The following ESRRG variants were observed in gnomAD, a reference collection of about 807,000 sequenced individuals.
The protein encoded by ESRRG is estrogen-related receptor gamma.
Under a neutral mutation model 44.0 loss-of-function variants are expected in ESRRG, and 13 were observed. The observed-to-expected ratio is 0.30, with a 90% CI of 0.19 to 0.47. ESRRG has a LOEUF of 0.47. ESRRG is among the 20% of genes least tolerant of loss of function. The pLI, the probability that ESRRG is intolerant of heterozygous loss-of-function variation, is 1.00. For missense variants in ESRRG, 395 were observed against 580.6 expected, an observed-to-expected ratio of 0.68 and a Z score of 3.29; for synonymous variants, 215 against 214.6, an observed-to-expected ratio of 1.00 and a Z score of -0.02.
intron 1 of ESRRG, among the ~76,000 whole-genome samples, chr1:217,115,391 T>C (rs1268554929): frequency 1.3e-5 from 2 of 152,102 alleles, no homozygotes; most frequent in African/African-American, 4.8e-5. Flanking sequence ...AGCCTGGCTT[T>C]AGCATGATAG....
At chr1:216,932,228 A>C in intron 2 of ESRRG, among the ~76,000 whole-genome samples, 1 of 152,264 alleles carries the variant, frequency 6.6e-6, no homozygotes, top group African/African-American at 2.4e-5. Context: ...AGGTAAAAAT[A>C]AAATAAGGAA....
At chr1:216,586,382 A>G (rs2063793506) in intron 3 of ESRRG, among the ~76,000 whole-genome samples, 1 of 152,204 alleles carries the variant, frequency 6.6e-6, no homozygotes, top group African/African-American at 2.4e-5. Flanking sequence ...AATAATAGTT[A>G]ATGTTTTCTG....
intron 2 of ESRRG, among the ~76,000 whole-genome samples, chr1:216,748,823 C>G (rs188184070): frequency 2.3e-4 from 35 of 152,220 alleles, no homozygotes; most frequent in Admixed American, 6.5e-4. Context: ...TTGTCTCCAT[C>G]TAGAAATAAT....
chr1:216,823,340 C>T (rs1170611607), intron 2 of ESRRG, among the ~76,000 whole-genome samples: 2 of 152,016 alleles, frequency 1.3e-5, no homozygotes, highest in Admixed American at 6.6e-5. Flanking sequence ...GAGAAAGAGG[C>T]CACAGTACTG....
At chr1:216,941,762 G>T (rs558163774) in intron 1 of ESRRG, among the ~76,000 whole-genome samples, 2 of 152,168 alleles carry the variant, frequency 1.3e-5, no homozygotes, top group South Asian at 4.2e-4. Context: ...AAGAATGGGG[G>T]GAAAAAGATT....
intron 2 of ESRRG, among the ~76,000 whole-genome samples, chr1:216,822,087 C>A (rs1248335582): frequency 2.0e-5 from 3 of 152,026 alleles, no homozygotes; most frequent in Non-Finnish European, 4.4e-5. Context: ...CAGATTGGGA[C>A]CTTCTACATT....
In ESRRG at chr1:216,504,038, A is replaced by G. The variant is rs997166325; in HGVS notation, c.*2901T>C. On this transcript the variant is annotated 3_prime_UTR_variant, in exon 7 of 7. Coordinates refer to ENST00000408911, the MANE Select transcript of ESRRG (RefSeq NM_001438.4). ...TTTAGTTTTATTTCCTATTTGTGAG[A>G]TACTTACTCTTTTGTAATGCTGAGA... is the stretch of plus-strand genomic sequence containing the variant. The G allele has an allele frequency of 6.6e-6, 1 of 152,512 alleles. No individual in the cohort carries two copies. The highest frequency in any genetic ancestry group is 2.1e-4 in the South Asian group (1 of 4,828). 9.4% of individuals were successfully genotyped at this position (152,512 alleles called of 1,614,324 possible).
At chr1:216,758,626 T>G (rs2152330160) in intron 2 of ESRRG, among the ~76,000 whole-genome samples, 1 of 152,150 alleles carries the variant, frequency 6.6e-6, no homozygotes, top group Admixed American at 6.6e-5. Flanking sequence ...TTACAAATAT[T>G]TTCCCAATAC....
At chr1:216,760,229 T>C (rs865815097) in intron 2 of ESRRG, among the ~76,000 whole-genome samples, 12 of 148,910 alleles carry the variant, frequency 8.1e-5, no homozygotes, top group African/African-American at 3.0e-4. Context: ...AGGGTGTGTA[T>C]CTTAGAATAA....
At chr1:216,908,544 A>C (rs2059936073) in intron 2 of ESRRG, among the ~76,000 whole-genome samples, 1 of 152,184 alleles carries the variant, frequency 6.6e-6, no homozygotes, top group South Asian at 2.1e-4. Context: ...ATTGTCACAC[A>C]CACACCAATT....
chr1:217,004,169 T>G (rs2077422647), intron 1 of ESRRG, among the ~76,000 whole-genome samples: 2 of 152,260 alleles, frequency 1.3e-5, no homozygotes, highest in South Asian at 4.1e-4. Context: ...TTCCCAGTTC[T>G]TTTACTTATC....
chr1:216,529,553 A>G (rs1248375772), intron 5 of ESRRG, among the ~76,000 whole-genome samples: 1 of 151,974 alleles, frequency 6.6e-6, no homozygotes, highest in Admixed American at 6.6e-5. Flanking sequence ...TGCCTCTAAA[A>G]CTCTTTAAAG....
chr1:216,974,754 T>A (rs2072497242), intron 1 of ESRRG, among the ~76,000 whole-genome samples: 1 of 152,102 alleles, frequency 6.6e-6, no homozygotes, highest in Non-Finnish European at 1.5e-5. Context: ...CATTTTCAAT[T>A]ACTTTCCCTG....
intron 3 of ESRRG, among the ~76,000 whole-genome samples, chr1:216,645,935 C>A (rs2150980394): frequency 6.8e-6 from 1 of 147,842 alleles, no homozygotes; most frequent in East Asian, 2.0e-4. Flanking sequence ...AGGATTCTTA[C>A]AATTCTCCTT....
chr1:217,007,745 C>G (rs913766473), intron 1 of ESRRG, among the ~76,000 whole-genome samples: 1 of 152,114 alleles, frequency 6.6e-6, no homozygotes, highest in African/African-American at 2.4e-5. Context: ...TTCCTCCCTT[C>G]CCTCTTTTCT....
At chr1:217,127,060 C>T (rs536548034) in intron 1 of ESRRG, among the ~76,000 whole-genome samples, 199 of 151,420 alleles carry the variant, frequency 1.3e-3, no homozygotes, top group African/African-American at 4.4e-3. Context: ...TTTCCAATTA[C>T]GGGGTGTCAA....
chr1:216,693,898 C>T (rs2079581844), intron 1 of ESRRG, among the ~76,000 whole-genome samples: 1 of 152,020 alleles, frequency 6.6e-6, no homozygotes, highest in South Asian at 2.1e-4. Context: ...AATTCACACA[C>T]AAAAAAAGTT....
intron 2 of ESRRG, among the ~76,000 whole-genome samples, chr1:216,785,193 T>A (rs2094082334): frequency 6.6e-6 from 1 of 152,156 alleles, no homozygotes; most frequent in Non-Finnish European, 1.5e-5. Flanking sequence ...GGAACAGACT[T>A]TGAAGACTTT....
intron 1 of ESRRG, among the ~76,000 whole-genome samples, chr1:217,058,341 A>G (rs562766271): frequency 6.6e-6 from 1 of 152,286 alleles, no homozygotes; most frequent in East Asian, 1.9e-4. Flanking sequence ...AAGGACTCAA[A>G]CAAATTGTTA....
Sources: gnomAD v4.1 joint callset for allele counts (sites outside exome capture counted in the v4.1 genomes callset) on GRCh38, gnomAD v4.1.1 for gene constraint, MANE v1.5 for transcripts, NCBI Gene and HGNC (gene_info 2026-07-23, HGNC 2026-07-21) for gene names.